Variants in KCNG2 observed in about 807,000 individuals in gnomAD.
KCNG2 encodes the protein voltage-gated potassium channel regulatory subunit KCNG2.
Under a neutral mutation model 12.3 loss-of-function variants are expected in KCNG2, and 7 were observed. That is an observed-to-expected ratio of 0.57 (90% CI 0.32 to 1.07). The LOEUF (loss-of-function observed/expected upper bound fraction) is 1.07. KCNG2 is among the 50% of genes least tolerant of loss of function. The pLI is 0.04. For missense variants in KCNG2, 703 were observed against 726.0 expected (o/e 0.97, Z 0.36); for synonymous variants, 414 against 351.4 (o/e 1.18, Z -1.99).
intron 3 of KCNG2, among the ~76,000 whole-genome samples, chr18:79,876,760 C>T (rs1409510151): frequency 6.6e-6 from 1 of 152,238 alleles, no homozygotes; most frequent in Non-Finnish European, 1.5e-5. Context: ...GGGCACCAGC[C>T]GTGCCAGGCC....
intron 1 of KCNG2, among the ~76,000 whole-genome samples, chr18:79,807,763 G>A (rs151286028): frequency 0.14 from 19,135 of 136,136 alleles, 1,809 homozygotes; most frequent in Middle Eastern, 0.17. Context: ...CAGAGTCCTC[G>A]CCCTGAGGAG....
chr18:79,861,759 C>G lies in KCNG2; in HGVS notation c.-40-1869C>G, dbSNP rs554527819. On this transcript the variant is annotated intron_variant, in intron 2 of 3. Coordinates refer to ENST00000316249, the MANE Select transcript of KCNG2 (RefSeq NM_012283.2). ...TCCCTCTTTCCTTTCAGGACTCTCA[C>G]TATGCAAAAGCTGGTACATGTGATG... Among the ~76,000 whole-genome samples, 8 of 152,354 alleles carry G rather than the reference C, an allele frequency of 5.3e-5. No homozygotes were observed. The South Asian group carries it at 1.7e-3, about 32-fold the overall frequency.
intron 1 of KCNG2, among the ~76,000 whole-genome samples, chr18:79,852,513 C>T (rs1459762765): frequency 3.3e-5 from 5 of 152,402 alleles, no homozygotes; most frequent in African/African-American, 9.6e-5. Context: ...AGCCCCTGCA[C>T]TCGCAGAGAG....
At chr18:79,854,527 T>G (rs1978940024) in intron 1 of KCNG2, among the ~76,000 whole-genome samples, 1 of 59,920 alleles carries the variant, frequency 1.7e-5, no homozygotes, top group African/African-American at 3.8e-5. Context: ...TGCCTTTCAT[T>G]GGCTTTTTTT....
intron 2 of KCNG2, among the ~76,000 whole-genome samples, chr18:79,857,598 T>C (rs1979061919): frequency 6.6e-6 from 1 of 151,816 alleles, no homozygotes; most frequent in Non-Finnish European, 1.5e-5. Flanking sequence ...GCCGTAGTGG[T>C]GGGTTTAAGC....
Position 79,803,508 on chromosome 18 carries a change from G to A in KCNG2, c.-115+5494G>A, listed in dbSNP as rs1247410070. 6.6e-6 allele frequency among the ~76,000 whole-genome samples: 1 copy of A among 152,206 alleles called. No homozygotes were observed. The highest frequency in any genetic ancestry group is 1.5e-5 in the Non-Finnish European group (1 of 68,026). ...AAATTAGAAACGGAAACATTCTAGG[G>A]TGAAGAAAACAGTGGCTAGGCGTGG... On this transcript the variant is annotated intron_variant, in intron 1 of 3. Coordinates refer to ENST00000316249, the MANE Select transcript of KCNG2 (RefSeq NM_012283.2). The surrounding 1 kb of genome is among the most constrained non-coding windows in gnomAD (Gnocchi z 4.5).
At chr18:79,798,618 G>A (rs965902296) in intron 1 of KCNG2, among the ~76,000 whole-genome samples, 1 of 152,238 alleles carries the variant, frequency 6.6e-6, no homozygotes, top group Non-Finnish European at 1.5e-5. Context: ...CCGACCAGCC[G>A]GGGCGCGGCC....
intron 1 of KCNG2, among the ~76,000 whole-genome samples, chr18:79,805,288 T>C (rs986684041): frequency 6.6e-6 from 1 of 152,224 alleles, no homozygotes; most frequent in Non-Finnish European, 1.5e-5. Flanking sequence ...TTTAACCTCT[T>C]CTCAATTTTC....
rs2087374687 is a variant in KCNG2, at chr18:79,797,946, C to G, written c.-183C>G. On this transcript the variant is annotated 5_prime_UTR_variant, in exon 1 of 4. Transcript: ENST00000316249. ...TCCGGGATGCCGGCTCCAGAGACGC[C>G]GCGCTCCGCCCCGAGGAGGCCGCCG... Among the ~76,000 whole-genome samples, 1 of 151,556 alleles carries G rather than the reference C, an allele frequency of 6.6e-6. No individual in the cohort carries two copies. The highest frequency in any genetic ancestry group is 2.4e-5 in the African/African-American group (1 of 41,314).
chr18:79,806,389 C>T (rs1029659527), intron 1 of KCNG2, among the ~76,000 whole-genome samples: 27 of 152,286 alleles, frequency 1.8e-4, no homozygotes, highest in African/African-American at 6.5e-4. Flanking sequence ...GGGTGTGGGG[C>T]CATCAGCAAG....
At position 79,810,018 on chromosome 18, in the gene KCNG2, G is replaced by A. The variant is rs548591087; in HGVS notation, c.-115+12004G>A. ...CAGCGCCGTCCACAGGGCCAGCCTCGCGGAGCCGCCCGCCCATTGCGCTGG... is the reference window on the plus strand; with the variant it reads ...CAGCGCCGTCCACAGGGCCAGCCTCACGGAGCCGCCCGCCCATTGCGCTGG... On this transcript the variant is annotated intron_variant, in intron 1 of 3. Coordinates refer to ENST00000316249, the MANE Select transcript of KCNG2 (RefSeq NM_012283.2). Among the ~76,000 whole-genome samples the A allele has an allele frequency of 5.3e-5, 8 of 152,344 alleles. No homozygotes were observed. In the East Asian group the frequency reaches 1.4e-3, roughly 26 times the overall value.
At position 79,828,997 on chromosome 18, in the gene KCNG2, C is replaced by T. The variant is rs200222618; in HGVS notation, c.-114-27382C>T. Among the ~76,000 whole-genome samples, 4 of 97,846 alleles carry T rather than the reference C, an allele frequency of 4.1e-5. No homozygotes were observed. The East Asian group carries it at 1.4e-3, about 35-fold the overall frequency. 64.2% of individuals were successfully genotyped at this position (97,846 alleles called of 152,430 possible). Reference sequence around the variant, plus strand: ...GGTGTCTATGTGTGCGTGTGTGTAACATGTCCATGATGTGTGCATGTGTCT... The same window carrying T: ...GGTGTCTATGTGTGCGTGTGTGTAATATGTCCATGATGTGTGCATGTGTCT... On this transcript the variant is annotated intron_variant, in intron 1 of 3. Coordinates refer to ENST00000316249, the MANE Select transcript of KCNG2 (RefSeq NM_012283.2).
chr18:79,890,475 C>A (rs1980706277), intron 3 of KCNG2, among the ~76,000 whole-genome samples: 1 of 152,164 alleles, frequency 6.6e-6, no homozygotes, highest in African/African-American at 2.4e-5. Context: ...CCCCTTCCCC[C>A]TCCCCACTGG....
intron 1 of KCNG2, among the ~76,000 whole-genome samples, chr18:79,819,812 A>G (rs7238071): frequency 0.28 from 43,322 of 152,158 alleles, 6,525 homozygotes; most frequent in South Asian, 0.46. Flanking sequence ...AAATTCTTCC[A>G]TTGCCCTCAA....
At chr18:79,867,358 G>A (rs762429011) in intron 3 of KCNG2, among the ~76,000 whole-genome samples, 1 of 151,958 alleles carries the variant, frequency 6.6e-6, no homozygotes, top group Non-Finnish European at 1.5e-5. Flanking sequence ...GCAAGAGAAG[G>A]CAAAAGCTTG....
At position 79,884,339 on chromosome 18, in the gene KCNG2, C is replaced by T. The variant is rs1980437961; in HGVS notation, c.625-14701C>T. On this transcript the variant is annotated intron_variant, in intron 3 of 3. Transcript: ENST00000316249. The surrounding 1 kb of genome is among the most constrained non-coding windows in gnomAD (Gnocchi z 5.5). ...ACCTAATGACACACACTCCCGTTCT[C>T]AGTCCTTCAAGGAGGCCCCCAGCTC... 6.6e-6 allele frequency among the ~76,000 whole-genome samples: 1 copy of T among 152,174 alleles called. No individual in the cohort carries two copies. Among genetic ancestry groups the T allele is most frequent in the Admixed American group, 6.5e-5 (1 of 15,286 alleles).
intron 1 of KCNG2, among the ~76,000 whole-genome samples, chr18:79,802,525 G>A (rs1394095114): frequency 6.6e-6 from 1 of 152,254 alleles, no homozygotes; most frequent in East Asian, 1.9e-4. Context: ...AGGTCTGGCT[G>A]TAACTTCTTC....
intron 1 of KCNG2, among the ~76,000 whole-genome samples, chr18:79,819,230 G>A (rs2087553100): frequency 6.6e-6 from 1 of 152,218 alleles, no homozygotes; most frequent in Non-Finnish European, 1.5e-5. Context: ...AGCCTGCAGA[G>A]ACACCAGGCA....
At chr18:79,875,859 G>GC (rs1568266949) in intron 3 of KCNG2, 1 of 152,422 alleles carries the variant, frequency 6.6e-6, no homozygotes, top group African/African-American at 2.4e-5. Context: ...CTCAGTGTCT[G>GC]CCCCCGATCC....
Sources: gnomAD v4.1 joint callset for allele counts (sites outside exome capture counted in the v4.1 genomes callset) on GRCh38, gnomAD v4.1.1 for gene constraint, Gnocchi (gnomAD v3.1) non-coding constraint, MANE v1.5 for transcripts, NCBI Gene and HGNC (gene_info 2026-07-23, HGNC 2026-07-21) for gene names.